The following CHL1 variants were observed in gnomAD, a reference collection of about 807,000 sequenced individuals.
The protein encoded by CHL1 is cell adhesion molecule L1 like.
In CHL1, 96 loss-of-function variants were observed where a neutral mutation model predicts 141.9. That is an observed-to-expected ratio of 0.68 (90% confidence interval 0.57 to 0.80). The LOEUF is 0.80. Ranked by LOEUF, CHL1 falls within the 30% of genes least tolerant of loss-of-function variation. CHL1 has a pLI of 0.00. For synonymous variants in CHL1, 613 were observed against 502.2 expected (o/e 1.22, Z -2.95); for missense variants, 1,820 against 1,457.2 (o/e 1.25, Z -4.05).
At chr3:347,535 T>C (rs950438579) in intron 9 of CHL1, among the ~76,000 whole-genome samples, 4 of 147,464 alleles carry the variant, frequency 2.7e-5, no homozygotes. Context: ...AAGTAAATGG[T>C]ATTAGAAAAT....
intron 7 of CHL1, among the ~76,000 whole-genome samples, chr3:342,749 G>A (rs956112211): frequency 5.9e-5 from 9 of 152,058 alleles, no homozygotes; most frequent in African/African-American, 2.2e-4. Flanking sequence ...TCTTCTAGTA[G>A]CCTCAGTTCT....
At chr3:367,550 T>G (rs1705061900) in intron 15 of CHL1, among the ~76,000 whole-genome samples, 1 of 152,250 alleles carries the variant, frequency 6.6e-6, no homozygotes, top group Admixed American at 6.5e-5. Context: ...TAGAAAACAT[T>G]AACATACAGA....
rs552035408 is a variant in CHL1 at position 302,824 on chromosome 3, T to G, written c.-94-16859T>G. Among the ~76,000 whole-genome samples the G allele has an allele frequency of 9.8e-5, 15 of 152,312 alleles. No homozygotes were observed. In the South Asian group the frequency reaches 3.1e-3, roughly 32 times the overall value. On this transcript the variant is annotated intron_variant, in intron 2 of 27. Transcript: ENST00000256509. ...TAGACATGAATTCTTTGCCCATACCTATGTTCTGAATGGTATTGCCCAGGT... is the reference window on the plus strand; with the variant it reads ...TAGACATGAATTCTTTGCCCATACCGATGTTCTGAATGGTATTGCCCAGGT...
At chr3:400,163 A>C (rs1365824408) in intron 26 of CHL1, among the ~76,000 whole-genome samples, 1 of 152,220 alleles carries the variant, frequency 6.6e-6, no homozygotes, top group Non-Finnish European at 1.5e-5. Flanking sequence ...GTTCAGATAT[A>C]TGAGAAGTTC....
chr3:268,789 G>A (rs1299863143), intron 2 of CHL1, among the ~76,000 whole-genome samples: 1 of 152,158 alleles, frequency 6.6e-6, no homozygotes, highest in African/African-American at 2.4e-5. Context: ...ATTTAGATTT[G>A]AGTTCAAATC....
In CHL1 at chr3:406,910, C is replaced by T. The variant is rs866415737; in HGVS notation, c.*1199C>T. ...TTTTATTGTTGAATGTACATCTACC[C>T]CAGCCCCTCAAAAGAAAAACTGTTT... On this transcript the variant is annotated 3_prime_UTR_variant, in exon 28 of 28. Transcript: ENST00000256509. 6.6e-6 allele frequency: 1 copy of T among 152,042 alleles called. No individual in the cohort carries two copies. Among genetic ancestry groups the T allele is most frequent in the Non-Finnish European group, 1.5e-5 (1 of 67,982 alleles). The allele number at this position is 152,042 out of a possible 1,614,324, so 9.4% of individuals were successfully genotyped here. A position where few individuals can be genotyped will look rare whatever the true frequency, so the allele number is the denominator to read the frequency against.
intron 2 of CHL1, among the ~76,000 whole-genome samples, chr3:290,744 G>A (rs1697611440): frequency 6.6e-6 from 1 of 151,984 alleles, no homozygotes. Context: ...TGGCAATAAG[G>A]TGATTGGAGC....
At chr3:242,655 A>G (rs1431665387) in intron 1 of CHL1, among the ~76,000 whole-genome samples, 1 of 144,048 alleles carries the variant, frequency 6.9e-6, no homozygotes, top group Admixed American at 7.5e-5. Flanking sequence ...TTCATTTACA[A>G]TAAACACTAA....
chr3:353,592 A>G (rs1403117336), intron 10 of CHL1, among the ~76,000 whole-genome samples: 1 of 152,216 alleles, frequency 6.6e-6, no homozygotes, highest in Non-Finnish European at 1.5e-5. Flanking sequence ...TGAACTTGCC[A>G]AGGCTAGTTG....
At chr3:244,199 A>G (rs1033491635) in intron 1 of CHL1, among the ~76,000 whole-genome samples, 1 of 152,180 alleles carries the variant, frequency 6.6e-6, no homozygotes, top group Non-Finnish European at 1.5e-5. Context: ...TTTGGTCCAT[A>G]TCGTTTTATT....
At chr3:366,790 A>G (rs1704956456) in intron 15 of CHL1, among the ~76,000 whole-genome samples, 2 of 151,888 alleles carry the variant, frequency 1.3e-5, no homozygotes, top group South Asian at 4.1e-4. Context: ...AGGTGTCTGG[A>G]AACTGCTGCC....
At chr3:327,012 A>T (rs757004667) in intron 4 of CHL1, among the ~76,000 whole-genome samples, 10 of 151,956 alleles carry the variant, frequency 6.6e-5, no homozygotes, top group Non-Finnish European at 1.0e-4. Context: ...TAATTTATTC[A>T]ATCAATATGG....
At chr3:302,723 G>T (rs1180791937) in intron 2 of CHL1, among the ~76,000 whole-genome samples, 1 of 152,100 alleles carries the variant, frequency 6.6e-6, no homozygotes, top group Non-Finnish European at 1.5e-5. Context: ...AGTTTCTTTT[G>T]CTGTGAAGAA....
At position 349,505 on chromosome 3, in the gene CHL1, T is replaced by C; in HGVS notation, c.995T>C (p.Leu332Ser). 1.9e-6 allele frequency: 3 copies of C among 1,613,948 alleles called. No individual in the cohort carries two copies. Among genetic ancestry groups the C allele is most frequent in the Non-Finnish European group, 2.5e-6 (3 of 1,179,906 alleles). ...GNYRCTASNF[L>S]GTATHDFHVI... ...TATCGCTGCACAGCCAGCAATTTCT[T>C]GGGAACAGCCACTCACGATTTTCAC... The change falls in exon 10 of 28, where the codon TTG (leucine) becomes TCG (serine). Residue 332 changes from leucine to serine, a missense_variant. Physicochemically the swap from Leu to Ser is moderately radical, Grantham distance 145 (BLOSUM62 -2). Transcript: ENST00000256509.
At chr3:225,871 T>C (rs1033244113) in intron 1 of CHL1, among the ~76,000 whole-genome samples, 1 of 151,708 alleles carries the variant, frequency 6.6e-6, no homozygotes, top group Admixed American at 6.6e-5. Flanking sequence ...TAGCCAGGTG[T>C]GGTGGCAGGC....
At chr3:225,773 G>T (rs545386961) in intron 1 of CHL1, among the ~76,000 whole-genome samples, 4 of 152,220 alleles carry the variant, frequency 2.6e-5, no homozygotes, top group South Asian at 2.1e-4. Flanking sequence ...ACTTTGGGAG[G>T]CTGAGGTGGG....
rs879642131 is a variant in CHL1, at chr3:386,942, A to G, written c.2248-2310A>G. Among the ~76,000 whole-genome samples, 134 of 152,296 alleles carry G rather than the reference A, an allele frequency of 8.8e-4. 6 individuals are homozygous for G. Among genetic ancestry groups the G allele is most frequent in the Non-Finnish European group, 4.6e-4 (31 of 68,002 alleles). Reference sequence around the variant, plus strand: ...AGTATATGAAGTAACATATATTTTGAGTAGCTCAATTTAGCCACTCCACAA... The same window carrying G: ...AGTATATGAAGTAACATATATTTTGGGTAGCTCAATTTAGCCACTCCACAA... On this transcript the variant is annotated intron_variant, in intron 19 of 27. Transcript: ENST00000256509.
intron 1 of CHL1, among the ~76,000 whole-genome samples, chr3:226,835 A>G (rs1391984826): frequency 6.6e-6 from 1 of 152,222 alleles, no homozygotes; most frequent in Admixed American, 6.5e-5. Context: ...TGCTTAGCAG[A>G]CAATTTGATA....
chr3:212,166 G>C (rs1002755472), intron 1 of CHL1, among the ~76,000 whole-genome samples: 1 of 151,984 alleles, frequency 6.6e-6, no homozygotes, highest in Non-Finnish European at 1.5e-5. Context: ...AGCTGAGAAG[G>C]GTGGTAATAA....
Sources: gnomAD v4.1 joint callset for allele counts (sites outside exome capture counted in the v4.1 genomes callset) on GRCh38, gnomAD v4.1.1 for gene constraint, MANE v1.5 for transcripts, NCBI Gene and HGNC (gene_info 2026-07-23, HGNC 2026-07-21) for gene names.